MBOAT2: variants seen among roughly 807,000 people sequenced by gnomAD.
The protein encoded by MBOAT2 is membrane-bound glycerophospholipid O-acyltransferase 2.
A neutral mutation model predicts 63.4 loss-of-function variants in MBOAT2; 28 were observed. The ratio of observed to expected loss-of-function variants is 0.44; its 90% CI spans 0.33 to 0.61. The LOEUF (loss-of-function observed/expected upper bound fraction) is 0.61, where lower values mean the gene tolerates loss of function less well. Ranked by LOEUF, MBOAT2 falls within the 20% of genes least tolerant of loss-of-function variation. The pLI, the probability that MBOAT2 is intolerant of heterozygous loss-of-function variation, is 0.03. For missense variants in MBOAT2, 470 were observed against 605.8 expected, an observed-to-expected ratio of 0.78 and a Z score of 2.35; for synonymous variants, 211 against 215.6, an observed-to-expected ratio of 0.98 and a Z score of 0.19.
chr2:8,941,200 C>T (rs1035152945), intron 3 of MBOAT2, among the ~76,000 whole-genome samples: 34 of 152,124 alleles, frequency 2.2e-4, no homozygotes, highest in African/African-American at 8.2e-4. Context: ...ATTAATTATC[C>T]ACCTGCTATT....
intron 4 of MBOAT2, among the ~76,000 whole-genome samples, chr2:8,888,411 C>T (rs1663723014): frequency 6.6e-6 from 1 of 152,174 alleles, no homozygotes. Flanking sequence ...AGCACGCAGG[C>T]ATGAGATGTG....
chr2:8,892,857 T>G (rs755897122), intron 4 of MBOAT2, among the ~76,000 whole-genome samples: 1 of 151,684 alleles, frequency 6.6e-6, no homozygotes, highest in Admixed American at 6.6e-5. Context: ...GAGGCCAATG[T>G]GATGAGCAAG....
At chr2:8,964,840 C>A (rs62119981) in intron 1 of MBOAT2, among the ~76,000 whole-genome samples, 6,396 of 152,220 alleles carry the variant, frequency 0.042, 147 homozygotes, top group Non-Finnish European at 0.057. Context: ...TGATTACTAG[C>A]CAGGATGAAC....
intron 2 of MBOAT2, among the ~76,000 whole-genome samples, chr2:8,958,024 C>G (rs1419561612): frequency 6.6e-6 from 1 of 152,074 alleles, no homozygotes; most frequent in African/African-American, 2.4e-5. Flanking sequence ...TAATTCTTCC[C>G]CAGGAAGAAC....
chr2:8,945,168 A>G (rs1269981517), intron 2 of MBOAT2, among the ~76,000 whole-genome samples: 6 of 152,188 alleles, frequency 3.9e-5, no homozygotes, highest in African/African-American at 1.4e-4. Context: ...AGAGCAGTAT[A>G]ATACTTGGGC....
chr2:8,878,060 T>C (rs1662826442), intron 6 of MBOAT2, among the ~76,000 whole-genome samples: 1 of 152,176 alleles, frequency 6.6e-6, no homozygotes, highest in South Asian at 2.1e-4. Context: ...GTGGGGCTCC[T>C]GCGGTCTCCA....
chr2:8,912,339 G>GAA (rs1158476798), intron 3 of MBOAT2, among the ~76,000 whole-genome samples: 1 of 100,918 alleles, frequency 9.9e-6, no homozygotes, highest in African/African-American at 4.0e-5. Flanking sequence ...AAGAAAGAAA[G>GAA]AAAGAAAGAA....
intron 3 of MBOAT2, among the ~76,000 whole-genome samples, chr2:8,937,548 A>T (rs909282061): frequency 1.3e-5 from 2 of 152,236 alleles, no homozygotes; most frequent in Non-Finnish European, 2.9e-5. Context: ...ATGTGTAACA[A>T]ATCATTTGTC....
intron 4 of MBOAT2, among the ~76,000 whole-genome samples, chr2:8,896,100 G>A (rs185556390): frequency 1.6e-4 from 25 of 152,152 alleles, no homozygotes; most frequent in Admixed American, 3.9e-4. Context: ...TTATCCAGGC[G>A]TGGTGGCAGG....
intron 1 of MBOAT2, among the ~76,000 whole-genome samples, chr2:8,973,363 C>G (rs1347236789): frequency 1.3e-4 from 14 of 104,424 alleles, no homozygotes; most frequent in African/African-American, 5.6e-4. Context: ...ACACCGGGGC[C>G]TGTCGTGGGG....
intron 5 of MBOAT2, among the ~76,000 whole-genome samples, chr2:8,883,172 T>C (rs931518226): frequency 3.9e-5 from 6 of 152,046 alleles, no homozygotes; most frequent in African/African-American, 1.4e-4. Context: ...AATAGCAACA[T>C]TAATATTAAT....
At chr2:8,956,564 A>G (rs1669240478) in intron 2 of MBOAT2, among the ~76,000 whole-genome samples, 1 of 152,102 alleles carries the variant, frequency 6.6e-6, no homozygotes, top group African/African-American at 2.4e-5. Flanking sequence ...GTGGTGGCAC[A>G]CACCTGTAAT....
chr2:8,893,635 C>T (rs1474039536), intron 4 of MBOAT2, among the ~76,000 whole-genome samples: 1 of 152,204 alleles, frequency 6.6e-6, no homozygotes, highest in Admixed American at 6.5e-5. Context: ...AAGGGAAGTG[C>T]TGTTCCTGGA....
chr2:8,915,527 G>C (rs1018488875), intron 3 of MBOAT2, among the ~76,000 whole-genome samples: 2 of 151,966 alleles, frequency 1.3e-5, no homozygotes, highest in Admixed American at 1.3e-4. Flanking sequence ...AGGTGGTGGG[G>C]GTTTTTTTGT....
chr2:8,888,063 T>C lies in MBOAT2; in HGVS notation c.406A>G (p.Ile136Val). Residue 136 changes from isoleucine (I) to valine (V), a missense_variant, in exon 5 of 13, where the codon ATC becomes GTC. By Grantham distance (29) the Ile-to-Val change is conservative. Transcript: ENST00000305997. ...AAACTAGTGATCTTCTGAGTAATGA[T>C]CATCATTGGGCTGTGACAAGATAAA... is the stretch of plus-strand genomic sequence containing the variant. ...YSADFSGPMM[I>V]ITQKITSLAC... The C allele has an allele frequency of 6.2e-7, 1 of 1,613,428 alleles. No homozygotes were observed. Among genetic ancestry groups the C allele is most frequent in the South Asian group, 1.1e-5 (1 of 90,924 alleles).
chr2:8,869,825 G>A (rs1023552821), intron 8 of MBOAT2, among the ~76,000 whole-genome samples: 1 of 152,126 alleles, frequency 6.6e-6, no homozygotes, highest in Non-Finnish European at 1.5e-5. Flanking sequence ...CCTCCCTCAT[G>A]GTTGCCAACA....
At chr2:8,962,777 T>C (rs2103286438) in intron 1 of MBOAT2, among the ~76,000 whole-genome samples, 1 of 151,850 alleles carries the variant, frequency 6.6e-6, no homozygotes, top group East Asian at 1.9e-4. Flanking sequence ...GATTTACTCA[T>C]AAAAATTAAA....
intron 4 of MBOAT2, among the ~76,000 whole-genome samples, chr2:8,905,939 T>C (rs962139390): frequency 6.6e-6 from 1 of 152,224 alleles, no homozygotes; most frequent in Non-Finnish European, 1.5e-5. Context: ...ATTTAAGTAT[T>C]TAACTGGCAT....
At chr2:8,860,018 T>C (rs1049650326) in intron 12 of MBOAT2, among the ~76,000 whole-genome samples, 10 of 151,756 alleles carry the variant, frequency 6.6e-5, no homozygotes, top group Non-Finnish European at 1.5e-4. Context: ...ACCCCATCTC[T>C]ACTAAAAAAA....
Sources: allele counts gnomAD v4.1 joint callset (sites outside exome capture counted in the v4.1 genomes callset), GRCh38; gene constraint gnomAD v4.1.1; transcripts MANE v1.5; gene names NCBI Gene and HGNC (gene_info 2026-07-23, HGNC 2026-07-21).